FLNB: variants seen among roughly 807,000 people sequenced by gnomAD.
The protein encoded by FLNB is filamin B, also known as filamin-B.
Under a neutral mutation model 250.6 loss-of-function variants are expected in FLNB, and 111 were observed. That is an observed-to-expected ratio of 0.44 (90% CI 0.38 to 0.52). FLNB has a LOEUF of 0.52. Among genes scored for constraint, FLNB ranks in the 20% least tolerant of loss-of-function variants. The probability of loss-of-function intolerance (pLI) is 0.00; values close to 1 mark genes in which losing one functional copy is unlikely to be tolerated. For missense variants in FLNB, 2,869 were observed against 3,447.8 expected (o/e 0.83, Z 4.20); for synonymous variants, 1,302 against 1,372.1 (o/e 0.95, Z 1.13).
intron 1 of FLNB, among the ~76,000 whole-genome samples, chr3:58,076,640 G>T (rs1242694066): frequency 6.0e-5 from 9 of 150,570 alleles, no homozygotes; most frequent in African/African-American, 1.9e-4. Context: ...TTTTTTTTGG[G>T]TAGAGAGGGA....
intron 3 of FLNB, among the ~76,000 whole-genome samples, chr3:58,080,156 G>A (rs1461593606): frequency 1.3e-5 from 2 of 152,192 alleles, no homozygotes; most frequent in African/African-American, 2.4e-5. Context: ...TATTGAAGGC[G>A]ACTGTTCAAA....
chr3:58,042,463 C>T (rs1197843473), intron 1 of FLNB, among the ~76,000 whole-genome samples: 1 of 151,652 alleles, frequency 6.6e-6, no homozygotes, highest in Non-Finnish European at 1.5e-5. Context: ...ATCCTGCCAC[C>T]TTAGTTTCCT....
intron 1 of FLNB, among the ~76,000 whole-genome samples, chr3:58,067,867 G>A (rs2097188184): frequency 2.0e-5 from 3 of 152,160 alleles, no homozygotes; most frequent in South Asian, 2.1e-4. Context: ...GAGCCACCAC[G>A]CCTGGCCAGA....
intron 1 of FLNB, among the ~76,000 whole-genome samples, chr3:58,052,683 C>T (rs553759646): frequency 3.5e-4 from 53 of 152,304 alleles, no homozygotes; most frequent in Middle Eastern, 3.4e-3. Flanking sequence ...ACACAGCTTG[C>T]GGGCTGGCTG....
rs1287533664 is a variant in FLNB, at chr3:58,111,740, T to C, written c.2485-51T>C. The C allele has an allele frequency of 2.2e-6, 3 of 1,385,896 alleles. No homozygotes were observed. In the African/African-American group the frequency reaches 4.3e-5, roughly 20 times the overall value. The allele number at this position is 1,385,896 out of a possible 1,614,324, so 85.8% of individuals were successfully genotyped here. Reference sequence around the variant, plus strand: ...ACCCTTTGTTGAAGGCTCCCTGAGCTCTGGCTGTTGCTTCAGGGGCTTTCC... The same window carrying C: ...ACCCTTTGTTGAAGGCTCCCTGAGCCCTGGCTGTTGCTTCAGGGGCTTTCC... On this transcript the variant is annotated intron_variant, in intron 16 of 45. Transcript: ENST00000295956.
Position 58,146,281 on chromosome 3 carries a change from TTA to T in FLNB, c.5554+234_5554+235del, listed in dbSNP as rs1239784325. On this transcript the variant is annotated intron_variant, in intron 33 of 45. Coordinates refer to ENST00000295956, the MANE Select transcript of FLNB (RefSeq NM_001457.4). ...AATCAGATTCATGCTATGAAATACT[TTA>T]TGTGACTTGTCTGGAATTTAAGTGT... Among the ~76,000 whole-genome samples the T allele has an allele frequency of 1.6e-4, 25 of 152,376 alleles. No homozygotes were observed. In the East Asian group the frequency reaches 4.6e-3, roughly 28 times the overall value.
In FLNB at chr3:58,032,319, C is replaced by G. The variant is rs58306692; in HGVS notation, c.292+23463C>G. ...TTAGGGTGTCAGGATGATATTTTGA[C>G]AAAGGCATTCATGCTTAGCAGGATT... On this transcript the variant is annotated intron_variant, in intron 1 of 45. Coordinates refer to ENST00000295956, the MANE Select transcript of FLNB (RefSeq NM_001457.4). Among the ~76,000 whole-genome samples, 134 of 152,252 alleles carry G rather than the reference C, an allele frequency of 8.8e-4. 4 individuals carry two copies. The East Asian group carries it at 0.022, about 25-fold the overall frequency.
intron 40 of FLNB, among the ~76,000 whole-genome samples, chr3:58,155,589 A>G (rs2097352117): frequency 1.3e-5 from 2 of 152,264 alleles, no homozygotes; most frequent in Non-Finnish European, 2.9e-5. Context: ...TTTAATGGTG[A>G]TGTAAGTCAT....
intron 14 of FLNB, 91 bp from the exon 15 acceptor site, chr3:58,109,485 C>T (rs1267824750): frequency 3.7e-6 from 6 of 1,608,554 alleles, no homozygotes; most frequent in Non-Finnish European, 5.1e-6. Flanking sequence ...CCAGCCTGCT[C>T]AGAAGAACTA....
intron 1 of FLNB, among the ~76,000 whole-genome samples, chr3:58,031,006 A>T (rs1175872623): frequency 6.6e-6 from 1 of 152,234 alleles, no homozygotes; most frequent in Non-Finnish European, 1.5e-5. Context: ...TACCGTTTAT[A>T]TGAAGTTTTA....
Position 58,146,831 on chromosome 3 carries a change from T to C in FLNB, c.5566T>C (p.Leu1856=), listed in dbSNP as rs147436316. The C allele has an allele frequency of 1.9e-6, 3 of 1,614,112 alleles. No individual in the cohort carries two copies. In the African/African-American group the frequency reaches 4.0e-5, roughly 22 times the overall value. The change falls in exon 34 of 46, where the codon TTG becomes CTG. Residue 1856 remains leucine (L), a synonymous_variant. Transcript: ENST00000295956. ...GTTCCCACTTGTAGGTGGTCTGGAC[T>C]TGGCTATTGAGGGCCCCTCAAAAGC... ...TEDAGEGGLD[L]AIEGPSKAEI... is the part of the protein sequence containing the mutation.
At chr3:58,020,048 G>GGTGTGTGTGTGTGTGTGT (rs373280518) in intron 1 of FLNB, among the ~76,000 whole-genome samples, 8 of 136,904 alleles carry the variant, frequency 5.8e-5, no homozygotes, top group African/African-American at 1.1e-4. Context: ...ACACCACAGG[G>GGTGTGTGTGTGTGTGTGT]GTGTGTGTGT....
intron 5 of FLNB, among the ~76,000 whole-genome samples, chr3:58,095,498 C>T (rs2097236939): frequency 6.6e-6 from 1 of 152,108 alleles, no homozygotes; most frequent in Non-Finnish European, 1.5e-5. Context: ...TCAGGTGATC[C>T]ACCTGCCTCT....
At chr3:58,009,023 C>T (rs2097094355) in intron 1 of FLNB, among the ~76,000 whole-genome samples, 167 bp downstream of exon 1, 1 of 152,188 alleles carries the variant, frequency 6.6e-6, no homozygotes, top group Non-Finnish European at 1.5e-5. Context: ...TCCCCGGTGT[C>T]TTCCCCTGGG....
At position 58,148,921 on chromosome 3, in the gene FLNB, T is replaced by C. The variant is rs974701665; in HGVS notation, c.6091+69T>C. ...GACTTATTTTGCTGAGGCAGCGTCA[T>C]CTTTTCATCCTACCAACTCCTTTTC... On this transcript the variant is annotated intron_variant, in intron 36 of 45. Coordinates refer to ENST00000295956, the MANE Select transcript of FLNB (RefSeq NM_001457.4). 3 of 1,354,646 alleles carry C rather than the reference T, an allele frequency of 2.2e-6. No homozygotes were observed. In the African/African-American group the frequency reaches 4.3e-5, roughly 19 times the overall value. 83.9% of individuals were successfully genotyped at this position (1,354,646 alleles called of 1,614,324 possible).
In FLNB at chr3:58,042,625, C is replaced by T. The variant is rs190796880; in HGVS notation, c.292+33769C>T. Among the ~76,000 whole-genome samples the T allele has an allele frequency of 9.3e-3, 1,419 of 152,136 alleles. 23 individuals carry two copies. The highest frequency in any genetic ancestry group is 0.033 in the African/African-American group (1,358 of 41,484). ...AACCTCCCAGGCTTAAGGGATTCTC[C>T]CACCTCAGCCTCCCAAGTAGCTGGG... is the stretch of plus-strand genomic sequence containing the variant. On this transcript the variant is annotated intron_variant, in intron 1 of 45. Coordinates refer to ENST00000295956, the MANE Select transcript of FLNB (RefSeq NM_001457.4).
rs57488190 is a variant in FLNB, at chr3:58,071,274, C to CT, written c.293-5750dup. Among the ~76,000 whole-genome samples, 452 of 81,598 alleles carry CT rather than the reference C, an allele frequency of 5.5e-3. 2 individuals are homozygous for CT. The highest frequency in any genetic ancestry group is 0.011 in the Middle Eastern group (1 of 94). The allele number at this position is 81,598 out of a possible 152,430, so 53.5% of individuals were successfully genotyped here. A position where few individuals can be genotyped will look rare whatever the true frequency, so the allele number is the denominator to read the frequency against. On this transcript the variant is annotated intron_variant, in intron 1 of 45. Transcript: ENST00000295956. ...TACACACCCCTATCTCTCCTCGATT[C>CT]TTTTTTTTTTTTTTTTTTTTTTGAG...
chr3:58,010,715 G>T (rs140847097), intron 1 of FLNB, among the ~76,000 whole-genome samples: 283 of 152,224 alleles, frequency 1.9e-3, no homozygotes, highest in Non-Finnish European at 3.2e-3. Flanking sequence ...ATCCAAATAC[G>T]ACATGAAATC....
chr3:58,011,773 T>C (rs954977312), intron 1 of FLNB, among the ~76,000 whole-genome samples: 21 of 152,248 alleles, frequency 1.4e-4, no homozygotes, highest in Admixed American at 8.5e-4. Context: ...TAATCATTGA[T>C]TGACAGCAAC....
Sources: allele counts gnomAD v4.1 joint callset (sites outside exome capture counted in the v4.1 genomes callset), GRCh38; gene constraint gnomAD v4.1.1; transcripts MANE v1.5; gene names NCBI Gene and HGNC (gene_info 2026-07-23, HGNC 2026-07-21).